TNFRSF8: variants seen among roughly 807,000 people sequenced by gnomAD.
The protein encoded by TNFRSF8 is tumor necrosis factor receptor superfamily member 8.
Under a neutral mutation model 70.8 loss-of-function variants are expected in TNFRSF8, and 26 were observed. That is an observed-to-expected ratio of 0.37 (90% CI 0.27 to 0.51). The LOEUF (loss-of-function observed/expected upper bound fraction) is 0.51. Ranked by LOEUF, TNFRSF8 falls within the 20% of genes least tolerant of loss-of-function variation. The pLI is 0.94. For missense variants in TNFRSF8, 720 were observed against 807.9 expected (o/e 0.89, Z 1.32); for synonymous variants, 356 against 339.2 (o/e 1.05, Z -0.54).
At position 12,142,444 on chromosome 1, in the gene TNFRSF8, G is replaced by T. The variant is rs759473114; in HGVS notation, c.1701G>T (p.Pro567=). The change falls in exon 15 of 15, where the codon CCG becomes CCT. Residue 567 remains proline, a synonymous_variant. Transcript: ENST00000263932. The surrounding 1 kb of genome is among the most constrained non-coding windows in gnomAD (Gnocchi z 5.0). ...ACTACCCCGAGCAGGAGACAGAACC[G>T]CCTCTGGGCAGCTGCAGCGATGTCA... is the stretch of plus-strand genomic sequence containing the variant. ...TPHYPEQETE[P]PLGSCSDVML... 6.2e-7 allele frequency: 1 copy of T among 1,612,904 alleles called. No individual in the cohort carries two copies. Among genetic ancestry groups the T allele is most frequent in the Non-Finnish European group, 8.5e-7 (1 of 1,179,608 alleles).
intron 1 of TNFRSF8, among the ~76,000 whole-genome samples, chr1:12,077,516 A>T (rs753279853): frequency 6.6e-6 from 1 of 152,228 alleles, no homozygotes; most frequent in Non-Finnish European, 1.5e-5. Flanking sequence ...CAAAGAAACA[A>T]GACCTCAGTC....
At chr1:12,071,001 T>C (rs763409462) in intron 1 of TNFRSF8, among the ~76,000 whole-genome samples, 5 of 152,160 alleles carry the variant, frequency 3.3e-5, no homozygotes, top group Non-Finnish European at 5.9e-5. Context: ...CCCCCTTTTT[T>C]TGGCCCCCAC....
chr1:12,139,118 T>G (rs1642208969), intron 14 of TNFRSF8, among the ~76,000 whole-genome samples: 1 of 149,706 alleles, frequency 6.7e-6, no homozygotes, highest in Admixed American at 6.6e-5. Context: ...TCTCATCACC[T>G]TGGTACGGCA....
chr1:12,135,065 C>T (rs950275948), intron 12 of TNFRSF8, among the ~76,000 whole-genome samples: 2 of 151,986 alleles, frequency 1.3e-5, no homozygotes, highest in Admixed American at 1.3e-4. Flanking sequence ...CCTGTAATCC[C>T]AGCACTTTGC....
intron 2 of TNFRSF8, among the ~76,000 whole-genome samples, chr1:12,090,200 C>T (rs1426394521): frequency 7.0e-6 from 1 of 143,882 alleles, no homozygotes; most frequent in Non-Finnish European, 1.5e-5. Flanking sequence ...CTAACCCATC[C>T]ATCTATCCAC....
chr1:12,124,878 C>CAAAACAAAACAAAACAAAACAAAACA, intron 10 of TNFRSF8, among the ~76,000 whole-genome samples: 1 of 141,944 alleles, frequency 7.0e-6, no homozygotes, highest in Non-Finnish European at 1.5e-5. Flanking sequence ...CAAAACAAAA[C>CAAAACAAAACAAAACAAAACAAAACA]AAACAAAACC....
In TNFRSF8 at chr1:12,144,047, T is replaced by G. The variant is rs1243009915; in HGVS notation, c.*1516T>G. ...TCTGCATCACCCACAGCCGCAGCTG[T>G]AAGGCACGCTGGAAGGCACACGCCT... On this transcript the variant is annotated 3_prime_UTR_variant, in exon 15 of 15. Coordinates refer to ENST00000263932, the MANE Select transcript of TNFRSF8 (RefSeq NM_001243.5). 1 of 152,230 alleles carries G rather than the reference T, an allele frequency of 6.6e-6. No homozygotes were observed. The highest frequency in any genetic ancestry group is 1.5e-5 in the Non-Finnish European group (1 of 68,044). 9.4% of individuals were successfully genotyped at this position (152,230 alleles called of 1,614,324 possible).
intron 12 of TNFRSF8, among the ~76,000 whole-genome samples, chr1:12,131,824 C>T (rs1026336755): frequency 7.9e-5 from 12 of 151,520 alleles, no homozygotes; most frequent in African/African-American, 2.2e-4. Context: ...GGCAGAGTCT[C>T]GCTCTGTTGC....
intron 13 of TNFRSF8, among the ~76,000 whole-genome samples, chr1:12,136,688 ATTAT>A (rs1642151681): frequency 6.7e-6 from 1 of 150,042 alleles, no homozygotes; most frequent in Admixed American, 6.7e-5. Context: ...TAGCCTTCAT[ATTAT>A]TATGAAAGAG....
rs548539394 is a variant in TNFRSF8 at position 12,110,708 on chromosome 1, C to G, written c.676+504C>G. ...CCACCTCCTGGGTTCAAGCGATTCT[C>G]CTGCCTCAGCCTCCTGAGTAGCTGG... On this transcript the variant is annotated intron_variant, in intron 6 of 14. Coordinates refer to ENST00000263932, the MANE Select transcript of TNFRSF8 (RefSeq NM_001243.5). This position sits in a 1 kb window ranked among gnomAD's most constrained non-coding sequence, Gnocchi z 4.0. Among the ~76,000 whole-genome samples the G allele has an allele frequency of 2.0e-5, 3 of 152,270 alleles. No homozygotes were observed. The South Asian group carries it at 6.2e-4, about 32-fold the overall frequency.
chr1:12,094,837 G>T (rs553057251), intron 2 of TNFRSF8, among the ~76,000 whole-genome samples: 1 of 152,058 alleles, frequency 6.6e-6, no homozygotes, highest in East Asian at 1.9e-4. Flanking sequence ...TGTTGGCCAG[G>T]CTGGTCTTGA....
At chr1:12,082,258 T>C (rs1641077275) in intron 1 of TNFRSF8, among the ~76,000 whole-genome samples, 1 of 152,072 alleles carries the variant, frequency 6.6e-6, no homozygotes, top group African/African-American at 2.4e-5. Context: ...AAACATATCT[T>C]CCTGAGGCCG....
intron 3 of TNFRSF8, among the ~76,000 whole-genome samples, chr1:12,103,453 T>C (rs1037298291): frequency 1.3e-5 from 2 of 152,088 alleles, no homozygotes; most frequent in Non-Finnish European, 2.9e-5. Context: ...TCAACCCCCT[T>C]CCCAATCTCC....
At chr1:12,065,330 G>A (rs1052506881) in intron 1 of TNFRSF8, among the ~76,000 whole-genome samples, 49 of 152,110 alleles carry the variant, frequency 3.2e-4, no homozygotes, top group African/African-American at 9.2e-4. Context: ...TGATCCTTCC[G>A]TCTCGGCCTC....
intron 1 of TNFRSF8, among the ~76,000 whole-genome samples, chr1:12,068,311 G>C (rs1037114000): frequency 6.6e-6 from 1 of 152,094 alleles, no homozygotes; most frequent in African/African-American, 2.4e-5. Flanking sequence ...ACTGACCCTG[G>C]GTGTGGCCCA....
At chr1:12,083,324 G>T (rs1042155038) in intron 1 of TNFRSF8, among the ~76,000 whole-genome samples, 1 of 152,204 alleles carries the variant, frequency 6.6e-6, no homozygotes, top group African/African-American at 2.4e-5. Flanking sequence ...AAGCGTGTAC[G>T]TTTGGACACT....
chr1:12,105,003 T>G (rs1641495424), intron 4 of TNFRSF8, among the ~76,000 whole-genome samples: 1 of 152,198 alleles, frequency 6.6e-6, no homozygotes, highest in African/African-American at 2.4e-5. Flanking sequence ...GACAAGTTTC[T>G]TACCTCTCTG....
chr1:12,081,713 C>T (rs1386234438), intron 1 of TNFRSF8, among the ~76,000 whole-genome samples: 3 of 152,164 alleles, frequency 2.0e-5, no homozygotes, highest in Admixed American at 2.0e-4. Flanking sequence ...TCCAGCCACG[C>T]TGCTGCTTTC....
In TNFRSF8 at chr1:12,138,578, T is replaced by C. The variant is rs6419481; in HGVS notation, c.1543+142T>C. ...GAGAGGCATAGATTCTTCACCCCAA[T>C]TGAAGTTTCTGTAAGTAGGGACAGC... is the stretch of plus-strand genomic sequence containing the variant. On this transcript the variant is annotated intron_variant, in intron 14 of 14. Transcript: ENST00000263932. This position sits in a 1 kb window ranked among gnomAD's most constrained non-coding sequence, Gnocchi z 5.7. 612,334 of 830,758 alleles carry C rather than the reference T, an allele frequency of 0.74. 226,748 individuals are homozygous for C. Among genetic ancestry groups the C allele is most frequent in the South Asian group, 0.78 (41,311 of 53,154 alleles). 51.5% of individuals were successfully genotyped at this position (830,758 alleles called of 1,614,324 possible). A position where few individuals can be genotyped will look rare whatever the true frequency, so the allele number is the denominator to read the frequency against.
Sources: gnomAD v4.1 joint callset for allele counts (sites outside exome capture counted in the v4.1 genomes callset) on GRCh38, gnomAD v4.1.1 for gene constraint, Gnocchi (gnomAD v3.1) non-coding constraint, MANE v1.5 for transcripts, NCBI Gene and HGNC (gene_info 2026-07-23, HGNC 2026-07-21) for gene names.